Variants in TSEN2 observed in about 807,000 individuals in gnomAD.
The protein encoded by TSEN2 is tRNA-splicing endonuclease subunit Sen2.
TSEN2 carries 54 observed loss-of-function variants against 59.2 expected under a neutral mutation model. The ratio of observed to expected loss-of-function variants is 0.91; its 90% CI spans 0.73 to 1.14. The LOEUF is 1.14. TSEN2 is among the 50% of genes most tolerant of loss of function. TSEN2 has a pLI of 0.00. For synonymous variants in TSEN2, 195 were observed against 198.2 expected, an observed-to-expected ratio of 0.98 and a Z score of 0.14; for missense variants, 636 against 576.2, an observed-to-expected ratio of 1.10 and a Z score of -1.06.
At chr3:12,530,238 G>A in intron 10 of TSEN2, 1 of 1,024,540 alleles carries the variant, frequency 9.8e-7, no homozygotes, top group Non-Finnish European at 1.2e-6. Flanking sequence ...ATTCACAAAG[G>A]AGTCAAAACA....
chr3:12,506,023 G>A (rs574458513), intron 6 of TSEN2, among the ~76,000 whole-genome samples: 186 of 152,194 alleles, frequency 1.2e-3, no homozygotes, highest in South Asian at 8.9e-3. Context: ...TGGTGATGCC[G>A]GGGGTAGGGG....
chr3:12,482,801 T>G (rs1485659837), upstream of TSEN2, among the ~76,000 whole-genome samples: 1 of 152,202 alleles, frequency 6.6e-6, no homozygotes, highest in Non-Finnish European at 1.5e-5. Context: ...TAAAGCCCTC[T>G]AATTCTAAAA....
chr3:12,490,824 C>A (rs1428796711), intron 2 of TSEN2, among the ~76,000 whole-genome samples: 1 of 152,186 alleles, frequency 6.6e-6, no homozygotes, highest in Admixed American at 6.5e-5. Context: ...CTTCTCTAGA[C>A]ACTTGATAGA....
chr3:12,483,397 G>A (rs987751902), upstream of TSEN2, among the ~76,000 whole-genome samples: 7 of 152,150 alleles, frequency 4.6e-5, no homozygotes, highest in Admixed American at 2.6e-4. Flanking sequence ...AAAATAAAAA[G>A]GGCCAGAAAA....
At chr3:12,525,762 A>ACC (rs1553602472) in intron 8 of TSEN2, among the ~76,000 whole-genome samples, 151,310 of 151,314 alleles carry the variant, frequency 1, 75,653 homozygotes, top group Middle Eastern at 1. Context: ...AAAGGGTTTC[A>ACC]ATGTGTTGGC....
intron 3 of TSEN2, among the ~76,000 whole-genome samples, chr3:12,495,282 T>C (rs1450010303): frequency 6.6e-6 from 1 of 152,006 alleles, no homozygotes; most frequent in Non-Finnish European, 1.5e-5. Context: ...GGGCCTGGAG[T>C]GCAGTGGTGC....
rs546555290 is a variant in TSEN2 at position 12,512,261 on chromosome 3, T to G, written c.910-4350T>G. Among the ~76,000 whole-genome samples the G allele has an allele frequency of 1.8e-4, 27 of 152,370 alleles. 1 individual carries two copies. The Middle Eastern group carries it at 0.014, about 77-fold the overall frequency. On this transcript the variant is annotated intron_variant, in intron 6 of 11. Transcript: ENST00000284995. Reference sequence around the variant, plus strand: ...CAGAATATTTTTAAATGAATATATTTTCTGTAAATTTAAAATGGACTTCAA... The same window carrying G: ...CAGAATATTTTTAAATGAATATATTGTCTGTAAATTTAAAATGGACTTCAA...
rs546904336 is a variant in TSEN2 at position 12,523,526 on chromosome 3, C to CTTTTTTTT, written c.1099+4347_1099+4354dup. Among the ~76,000 whole-genome samples, 51 of 46,462 alleles carry CTTTTTTTT rather than the reference C, an allele frequency of 1.1e-3. 4 individuals carry two copies. The highest frequency in any genetic ancestry group is 1.5e-3 in the African/African-American group (19 of 12,666). The allele number at this position is 46,462 out of a possible 152,430, so 30.5% of individuals were successfully genotyped here. A position where few individuals can be genotyped will look rare whatever the true frequency, so the allele number is the denominator to read the frequency against. On this transcript the variant is annotated intron_variant, in intron 8 of 11. Coordinates refer to ENST00000284995, the MANE Select transcript of TSEN2 (RefSeq NM_025265.4). ...CTTCTCCTCATCTTCCTCTTTGATTCTTTTTTTTTTTTTTTTTTTTTTTTT... is the reference window on the plus strand; with the variant it reads ...CTTCTCCTCATCTTCCTCTTTGATTCTTTTTTTTTTTTTTTTTTTTTTTTTTTTTTTTT...
downstream of TSEN2, among the ~76,000 whole-genome samples, chr3:12,534,979 AC>A (rs1461728633): frequency 6.6e-6 from 1 of 152,000 alleles, no homozygotes; most frequent in Non-Finnish European, 1.5e-5. Context: ...AAAAACAAAA[AC>A]AAAAAAAACC....
intron 1 of TSEN2, among the ~76,000 whole-genome samples, chr3:12,486,412 C>T (rs983958060): frequency 1.3e-5 from 2 of 152,176 alleles, no homozygotes; most frequent in Non-Finnish European, 2.9e-5. Flanking sequence ...TTGAATTTTT[C>T]CCCCTGGGGA....
Position 12,519,096 on chromosome 3 carries a change from C to G in TSEN2, c.998C>G (p.Thr333Ser). The G allele has an allele frequency of 6.2e-7, 1 of 1,614,186 alleles. No individual in the cohort carries two copies. The highest frequency in any genetic ancestry group is 8.5e-7 in the Non-Finnish European group (1 of 1,180,030). ...LTIVKLWKAF[T>S]VVQPTFRTTY... ...ATAGTGAAGCTCTGGAAAGCTTTCA[C>G]TGTAGTTCAGCCCACGTTCAGAACC... The change falls in exon 8 of 12, where the codon ACT becomes AGT. Residue 333 changes from threonine (T) to serine (S), a missense_variant. Thr to Ser is a moderately conservative substitution (Grantham distance 58, BLOSUM62 1). Coordinates refer to ENST00000284995, the MANE Select transcript of TSEN2 (RefSeq NM_025265.4).
downstream of TSEN2, among the ~76,000 whole-genome samples, chr3:12,533,985 T>G (rs2057608472): frequency 6.6e-6 from 1 of 152,166 alleles, no homozygotes; most frequent in East Asian, 1.9e-4. Flanking sequence ...GAGGGGTGTT[T>G]GAAGCTCAGA....
chr3:12,502,123 T>G lies in TSEN2; in HGVS notation c.309-1139T>G, dbSNP rs534237231. On this transcript the variant is annotated intron_variant, in intron 4 of 11. Coordinates refer to ENST00000284995, the MANE Select transcript of TSEN2 (RefSeq NM_025265.4). ...CCAAATCATTTCTCTCCTTATCCTG[T>G]GAAAGGGTTAGTAGGCACTGTGATG... Among the ~76,000 whole-genome samples the G allele has an allele frequency of 2.6e-5, 4 of 152,354 alleles. No individual in the cohort carries two copies. In the South Asian group the frequency reaches 8.3e-4, roughly 32 times the overall value.
intron 2 of TSEN2, 32 bp downstream of exon 2, chr3:12,490,021 T>G (rs1259201960): frequency 1.2e-6 from 2 of 1,606,630 alleles, no homozygotes; most frequent in Admixed American, 1.7e-5. Flanking sequence ...AAGATTACTT[T>G]CAGACAACCC....
chr3:12,500,562 C>A (rs1377948905), intron 4 of TSEN2, among the ~76,000 whole-genome samples: 16 of 152,208 alleles, frequency 1.1e-4, no homozygotes, highest in Admixed American at 1.0e-3. Flanking sequence ...CTCTCAACAG[C>A]AAATTAAGAC....
intron 4 of TSEN2, among the ~76,000 whole-genome samples, chr3:12,500,812 C>T (rs921348757): frequency 2.6e-5 from 4 of 152,058 alleles, no homozygotes; most frequent in African/African-American, 4.8e-5. Context: ...GGTATGAGAA[C>T]GTGATGGAGC....
chr3:12,505,418 G>T lies in TSEN2; in HGVS notation c.909+187G>T, dbSNP rs1326854065. On this transcript the variant is annotated intron_variant, in intron 6 of 11. Coordinates refer to ENST00000284995, the MANE Select transcript of TSEN2 (RefSeq NM_025265.4). The stretch of plus-strand genomic sequence containing the variant: ...TCACTCCTCAGCCTTTATTTCATCA[G>T]TTCTAAGATATGTGTTTGCAATCAT... 5.1e-6 allele frequency: 3 copies of T among 588,810 alleles called. No homozygotes were observed. The African/African-American group carries it at 5.6e-5, about 11-fold the overall frequency. 36.5% of individuals were successfully genotyped at this position (588,810 alleles called of 1,614,324 possible).
intron 6 of TSEN2, chr3:12,505,507 G>A: frequency 2.7e-6 from 1 of 366,854 alleles, no homozygotes; most frequent in South Asian, 2.7e-5. Flanking sequence ...TAGATTGTTA[G>A]GCCGGGTGCG....
At chr3:12,493,363 T>C (rs1289347483) in intron 3 of TSEN2, among the ~76,000 whole-genome samples, 2 of 152,226 alleles carry the variant, frequency 1.3e-5, no homozygotes, top group African/African-American at 4.8e-5. Flanking sequence ...ATTGACCGCA[T>C]CATTGTACAT....
Sources: allele counts gnomAD v4.1 joint callset (sites outside exome capture counted in the v4.1 genomes callset), GRCh38; gene constraint gnomAD v4.1.1; transcripts MANE v1.5; gene names NCBI Gene and HGNC (gene_info 2026-07-23, HGNC 2026-07-21).